Variants in STARD13 observed in about 807,000 individuals in gnomAD.
The protein encoded by STARD13 is StAR related lipid transfer domain containing 13, also known as stAR-related lipid transfer protein 13.
A neutral mutation model predicts 106.4 loss-of-function variants in STARD13; 62 were observed. That is an observed-to-expected ratio of 0.58 (90% CI 0.48 to 0.72). The LOEUF (loss-of-function observed/expected upper bound fraction) is 0.72. Ranked by LOEUF, STARD13 falls within the 30% of genes least tolerant of loss-of-function variation. The probability of loss-of-function intolerance (pLI) is 0.00; values close to 1 mark genes in which losing one functional copy is unlikely to be tolerated. For missense variants in STARD13, 1,387 were observed against 1,424.0 expected (o/e 0.97, Z 0.42); for synonymous variants, 565 against 553.0 (o/e 1.02, Z -0.31).
intron 1 of STARD13, among the ~76,000 whole-genome samples, chr13:33,343,587 A>AAAAACAAAC (rs1555264009): frequency 1.0e-5 from 1 of 95,600 alleles, no homozygotes; most frequent in African/African-American, 4.8e-5. Context: ...TAAAAAAAAA[A>AAAAACAAAC]AAAAAAAAAA....
chr13:33,285,370 T>C, intron 1 of STARD13, 100 bp downstream of exon 1: 3 of 1,284,898 alleles, frequency 2.3e-6, no homozygotes, highest in Middle Eastern at 1.9e-4. Context: ...AATCCATATG[T>C]TATAAAGTGG....
At chr13:33,499,597 CTTCTTCTTTCTT>C in the STARD13 span, among the ~76,000 whole-genome samples, 20 of 59,456 alleles carry the variant, frequency 3.4e-4, no homozygotes, top group East Asian at 4.9e-4. Flanking sequence ...TCTTCTTCTT[CTTCTTCTTTCTT>C]CTTCTTCTTC....
At chr13:33,639,013 G>A in the STARD13 span, among the ~76,000 whole-genome samples, 7 of 151,948 alleles carry the variant, frequency 4.6e-5, no homozygotes, top group Non-Finnish European at 1.0e-4. Flanking sequence ...TTGTGAACCA[G>A]ACATTTTTCT....
At chr13:33,526,729 G>A in the STARD13 span, among the ~76,000 whole-genome samples, 32 of 144,076 alleles carry the variant, frequency 2.2e-4, no homozygotes, top group Admixed American at 5.5e-4. Context: ...TGTAAGGACT[G>A]TAAGGAGTTT....
chr13:33,577,019 A>G, the STARD13 span, among the ~76,000 whole-genome samples: 1 of 152,194 alleles, frequency 6.6e-6, no homozygotes, highest in Non-Finnish European at 1.5e-5. Flanking sequence ...AAGACCTAGC[A>G]TTTATTTAGG....
chr13:33,175,042 T>C (rs1884369902), intron 1 of STARD13, among the ~76,000 whole-genome samples: 1 of 152,116 alleles, frequency 6.6e-6, no homozygotes, highest in South Asian at 2.1e-4. Context: ...GTATTCCCAA[T>C]AGTATTTAAA....
chr13:33,337,039 G>A (rs1012759674), intron 1 of STARD13, among the ~76,000 whole-genome samples: 1 of 151,910 alleles, frequency 6.6e-6, no homozygotes, highest in Non-Finnish European at 1.5e-5. Context: ...TATTTTACAA[G>A]GTTAAATGTA....
At chr13:33,464,246 T>C in the STARD13 span, among the ~76,000 whole-genome samples, 2 of 151,926 alleles carry the variant, frequency 1.3e-5, no homozygotes, top group African/African-American at 4.8e-5. Context: ...AAAGGGTATT[T>C]TATTATACTA....
At chr13:33,248,768 A>C (rs1307950391) in intron 1 of STARD13, among the ~76,000 whole-genome samples, 1 of 151,838 alleles carries the variant, frequency 6.6e-6, no homozygotes. Flanking sequence ...CCTTTCCCTT[A>C]TTCAGTGTTT....
chr13:33,411,153 A>G, the STARD13 span, among the ~76,000 whole-genome samples: 1 of 152,038 alleles, frequency 6.6e-6, no homozygotes, highest in African/African-American at 2.4e-5. Flanking sequence ...CATTTATTTC[A>G]TTATACATAA....
chr13:33,200,439 A>T (rs1886936128), intron 1 of STARD13, among the ~76,000 whole-genome samples: 1 of 152,156 alleles, frequency 6.6e-6, no homozygotes, highest in Non-Finnish European at 1.5e-5. Context: ...CAACGAGACC[A>T]CTTCAAGGTA....
the STARD13 span, among the ~76,000 whole-genome samples, chr13:33,441,297 A>T: frequency 0.5 from 75,596 of 152,026 alleles, 19,779 homozygotes; most frequent in African/African-American, 0.66. Flanking sequence ...TCTAGTCTTA[A>T]TTCTCTCCAA....
the STARD13 span, among the ~76,000 whole-genome samples, chr13:33,410,203 G>A: frequency 3.5e-4 from 53 of 152,314 alleles, no homozygotes; most frequent in African/African-American, 1.2e-3. Flanking sequence ...TAGATGACTA[G>A]GTTAGGTCAT....
intron 1 of STARD13, among the ~76,000 whole-genome samples, chr13:33,200,991 A>C (rs184975651): frequency 2.3e-3 from 352 of 152,252 alleles, no homozygotes; most frequent in Middle Eastern, 3.4e-3. Flanking sequence ...GTGCCACTGC[A>C]CTCCAGCCTG....
chr13:33,434,893 A>AGAAG, the STARD13 span, among the ~76,000 whole-genome samples: 20,539 of 130,320 alleles, frequency 0.16, 1,736 homozygotes, highest in East Asian at 0.24. Flanking sequence ...AGGGAAGGAA[A>AGAAG]GAAGGAAGGA....
At chr13:33,285,187 A>T (rs1288488417) in intron 1 of STARD13, among the ~76,000 whole-genome samples, 1 of 152,198 alleles carries the variant, frequency 6.6e-6, no homozygotes, top group African/African-American at 2.4e-5. Flanking sequence ...ACTGAGTAAC[A>T]GTTCTCATCT....
chr13:33,314,785 C>T (rs1161723291), intron 1 of STARD13, among the ~76,000 whole-genome samples: 4 of 152,174 alleles, frequency 2.6e-5, no homozygotes, highest in Non-Finnish European at 5.9e-5. Flanking sequence ...GTTCCTTCCC[C>T]AGTACTAGCT....
the STARD13 span, among the ~76,000 whole-genome samples, chr13:33,558,135 A>C: frequency 2.6e-5 from 4 of 152,258 alleles, no homozygotes; most frequent in East Asian, 7.7e-4. Flanking sequence ...GTAATACTTT[A>C]AGAGGAAAAA....
At chr13:33,675,596 G>T in the STARD13 span, among the ~76,000 whole-genome samples, 2 of 152,138 alleles carry the variant, frequency 1.3e-5, no homozygotes, top group African/African-American at 4.8e-5. Context: ...TTTTGTGGAG[G>T]GAGATATGGA....
Sources: gnomAD v4.1 joint callset for allele counts (sites outside exome capture counted in the v4.1 genomes callset) on GRCh38, gnomAD v4.1.1 for gene constraint, MANE v1.5 for transcripts, NCBI Gene and HGNC (gene_info 2026-07-23, HGNC 2026-07-21) for gene names.